The following ARHGEF12 variants were observed in gnomAD, a reference collection of about 807,000 sequenced individuals.
ARHGEF12 encodes Rho guanine nucleotide exchange factor 12, also known as KMT2A/ARHGEF12 fusion protein.
In ARHGEF12, 66 loss-of-function variants were observed where a neutral mutation model predicts 211.2. That is an observed-to-expected ratio of 0.31 (90% CI 0.26 to 0.38). The LOEUF (loss-of-function observed/expected upper bound fraction) is 0.38, where lower values mean the gene tolerates loss of function less well. Ranked by LOEUF, ARHGEF12 falls within the 10% of genes least tolerant of loss-of-function variation. The pLI, the probability that ARHGEF12 is intolerant of heterozygous loss-of-function variation, is 1.00. For synonymous variants in ARHGEF12, 592 were observed against 638.4 expected, an observed-to-expected ratio of 0.93 and a Z score of 1.09; for missense variants, 1,429 against 1,869.5, an observed-to-expected ratio of 0.76 and a Z score of 4.34.
chr11:120,386,234 C>T (rs1051371474), intron 1 of ARHGEF12, among the ~76,000 whole-genome samples: 6 of 152,212 alleles, frequency 3.9e-5, no homozygotes, highest in African/African-American at 1.4e-4. Flanking sequence ...GCTGTAAATA[C>T]AGGAACCAAG....
At position 120,441,793 on chromosome 11, in the gene ARHGEF12, T is replaced by C. The variant is rs1260043984; in HGVS notation, c.1179T>C (p.Val393=). The C allele has an allele frequency of 6.2e-7, 1 of 1,613,854 alleles. No individual in the cohort carries two copies. Among genetic ancestry groups the C allele is most frequent in the East Asian group, 2.2e-5 (1 of 44,866 alleles). ...AHLAVFLHHV[V]SQFDPATLLC... Reference sequence around the variant, plus strand: ...TGGCTGTTTTCTTACACCATGTAGTTTCACAATTTGACCCTGCGACTTTGG... The same window carrying C: ...TGGCTGTTTTCTTACACCATGTAGTCTCACAATTTGACCCTGCGACTTTGG... Residue 393 remains valine, a synonymous_variant, in exon 14 of 41, where the codon GTT becomes GTC. Transcript: ENST00000397843.
Position 120,378,290 on chromosome 11 carries a change from G to A in ARHGEF12, c.33-27828G>A, listed in dbSNP as rs143283584. ...GAATGATATTGAGGACTTTTCATTT[G>A]CTTATTGACCTTTTGTTCTCTTTTG... On this transcript the variant is annotated intron_variant, in intron 1 of 40. Transcript: ENST00000397843. 9.2e-4 allele frequency among the ~76,000 whole-genome samples: 140 copies of A among 152,146 alleles called. 1 individual carries two copies. Among genetic ancestry groups the A allele is most frequent in the Non-Finnish European group, 9.6e-4 (65 of 67,974 alleles).
At chr11:120,432,056 A>G (rs1945560071) in intron 11 of ARHGEF12, 145 bp downstream of exon 11, 5 of 755,450 alleles carry the variant, frequency 6.6e-6, no homozygotes, top group Non-Finnish European at 9.5e-6. Flanking sequence ...GATAAACAGA[A>G]ATCTGGTTAC....
chr11:120,387,247 G>C (rs992984628), intron 1 of ARHGEF12, among the ~76,000 whole-genome samples: 6 of 151,600 alleles, frequency 4.0e-5, no homozygotes, highest in Non-Finnish European at 5.9e-5. Flanking sequence ...GTGTGTGGTG[G>C]GGGGGGAGGG....
chr11:120,476,407 T>A, intron 33 of ARHGEF12: 1 of 302,188 alleles, frequency 3.3e-6, no homozygotes. Context: ...TTTAGCAAAG[T>A]TTCTAGTAAA....
chr11:120,364,863 G>C (rs969129286), intron 1 of ARHGEF12, among the ~76,000 whole-genome samples: 1 of 145,558 alleles, frequency 6.9e-6, no homozygotes, highest in Non-Finnish European at 1.5e-5. Context: ...TGTCGCCTAG[G>C]CTTGAGTGCA....
intron 9 of ARHGEF12, 69 bp from the exon 10 acceptor site, chr11:120,429,643 A>C (rs2135719391): frequency 1.3e-6 from 2 of 1,567,132 alleles, no homozygotes; most frequent in African/African-American, 1.4e-5. Context: ...TTATTGATTA[A>C]GAATGGACTA....
In ARHGEF12 at chr11:120,458,097, T is replaced by C; in HGVS notation, c.2243T>C (p.Phe748Ser). ...KPFRKFDSVAFGESQSEDEQF... is the reference protein window; with the variant it reads ...KPFRKFDSVASGESQSEDEQF... ...CTTCATAGGTTTGACAGTGTAGCTT[T>C]TGGAGAAAGTCAAAGTGAGGATGAA... The change falls in exon 25 of 41, where the codon TTT (phenylalanine) becomes TCT (serine). Residue 748 changes from phenylalanine to serine, a missense_variant. Coordinates refer to ENST00000397843, the MANE Select transcript of ARHGEF12 (RefSeq NM_015313.3). 6.2e-7 allele frequency: 1 copy of C among 1,608,748 alleles called. No homozygotes were observed. Among genetic ancestry groups the C allele is most frequent in the South Asian group, 1.1e-5 (1 of 89,270 alleles).
In ARHGEF12 at chr11:120,351,432, TATATATATATATATATATA is replaced by T. The variant is rs1264111094; in HGVS notation, c.32+14158_32+14176del. Among the ~76,000 whole-genome samples the T allele has an allele frequency of 0.011, 38 of 3,358 alleles. 1 individual carries two copies. In the South Asian group the frequency reaches 0.12, roughly 10 times the overall value. 2.2% of individuals were successfully genotyped at this position (3,358 alleles called of 152,430 possible). ...GAATATATATATATATATATATATA[TATATATATATATATATATA>T]TATATTTTTTTTTTTTTTTTTTTTT... On this transcript the variant is annotated intron_variant, in intron 1 of 40. Transcript: ENST00000397843.
At chr11:120,456,546 C>G (rs1294220117) in intron 22 of ARHGEF12, among the ~76,000 whole-genome samples, 1 of 151,984 alleles carries the variant, frequency 6.6e-6, no homozygotes, top group African/African-American at 2.4e-5. Context: ...GTAGTTGGAC[C>G]ACTGTAATAA....
chr11:120,437,262 T>C (rs1945721654), intron 11 of ARHGEF12, 46 bp from the exon 12 acceptor site: 2 of 1,369,120 alleles, frequency 1.5e-6, no homozygotes, highest in Non-Finnish European at 2.0e-6. Context: ...CATCTCCTTT[T>C]GGTGTGCCTA....
intron 39 of ARHGEF12, among the ~76,000 whole-genome samples, chr11:120,481,791 G>A (rs185746961): frequency 7.1e-5 from 10 of 140,642 alleles, no homozygotes; most frequent in Non-Finnish European, 3.0e-5. Flanking sequence ...ACGGAGTCTC[G>A]CTCTGTCAAC....
Position 120,449,197 on chromosome 11 carries a change from G to C in ARHGEF12, c.1826G>C (p.Arg609Pro). The C allele has an allele frequency of 6.2e-7, 1 of 1,614,050 alleles. No homozygotes were observed. The highest frequency in any genetic ancestry group is 8.5e-7 in the Non-Finnish European group (1 of 1,179,950). Residue 609 changes from arginine to proline, a missense_variant, in exon 21 of 41, where the codon CGT becomes CCT. This residue lies in a region of ARHGEF12 where 373 missense variants were observed against 467.5 expected (regional missense o/e 0.80). Transcript: ENST00000397843. Reference sequence around the variant, plus strand: ...CTGGGACCCCCACGGAGACCAAGCCGTCATGACAACAGTGCAAGTATGTTG... The same window carrying C: ...CTGGGACCCCCACGGAGACCAAGCCCTCATGACAACAGTGCAAGTATGTTG... ...SILGPPRRPSRHDNSAIGRAM... is the reference protein window; with the variant it reads ...SILGPPRRPSPHDNSAIGRAM...
Position 120,439,489 on chromosome 11 carries a change from C to T in ARHGEF12, c.1000-640C>T, listed in dbSNP as rs1945800027. On this transcript the variant is annotated intron_variant, in intron 12 of 40. Coordinates refer to ENST00000397843, the MANE Select transcript of ARHGEF12 (RefSeq NM_015313.3). ...AGAATGCACGGGCTAGACCCTACAG[C>T]CAAGAACTCTCTGGCGCAAAATGTC... 1.3e-5 allele frequency: 2 copies of T among 152,242 alleles called. 1 individual carries two copies. Among genetic ancestry groups the T allele is most frequent in the South Asian group, 4.1e-4 (2 of 4,824 alleles). 9.4% of individuals were successfully genotyped at this position (152,242 alleles called of 1,614,324 possible).
At chr11:120,374,669 G>A (rs1219173859) in intron 1 of ARHGEF12, among the ~76,000 whole-genome samples, 1 of 152,070 alleles carries the variant, frequency 6.6e-6, no homozygotes, top group Non-Finnish European at 1.5e-5. Flanking sequence ...AATTGACCTC[G>A]TGAATTTTAG....
intron 1 of ARHGEF12, among the ~76,000 whole-genome samples, chr11:120,398,120 A>C (rs1944446328): frequency 1.3e-5 from 2 of 152,204 alleles, no homozygotes; most frequent in Non-Finnish European, 2.9e-5. Flanking sequence ...CTCATTACTC[A>C]ATCCCTTGAG....
chr11:120,427,505 C>G (rs1401583025), intron 7 of ARHGEF12, among the ~76,000 whole-genome samples: 1 of 151,370 alleles, frequency 6.6e-6, no homozygotes, highest in Non-Finnish European at 1.5e-5. Context: ...GAGTTTAAGA[C>G]CAGCCTGGGC....
Position 120,361,921 on chromosome 11 carries a change from A to T in ARHGEF12, c.32+24646A>T, listed in dbSNP as rs79945290. ...ATTTGAAATTTTTCCTGCAGCTCAA[A>T]AGGATGCATGAAGAGTTTTCCACTC... is the stretch of plus-strand genomic sequence containing the variant. On this transcript the variant is annotated intron_variant, in intron 1 of 40. Coordinates refer to ENST00000397843, the MANE Select transcript of ARHGEF12 (RefSeq NM_015313.3). Among the ~76,000 whole-genome samples the T allele has an allele frequency of 1.7e-3, 262 of 152,332 alleles. 10 individuals carry two copies. The East Asian group carries it at 0.046, about 27-fold the overall frequency.
intron 29 of ARHGEF12, among the ~76,000 whole-genome samples, chr11:120,468,984 C>G (rs946452750): frequency 5.9e-5 from 9 of 152,134 alleles, no homozygotes; most frequent in African/African-American, 2.2e-4. Flanking sequence ...ACCTGCCCTT[C>G]TGGAGTGTAT....
Sources: gnomAD v4.1 joint callset for allele counts (sites outside exome capture counted in the v4.1 genomes callset) on GRCh38, gnomAD v4.1.1 for gene constraint, gnomAD v4.1.1 regional missense constraint, MANE v1.5 for transcripts, NCBI Gene and HGNC (gene_info 2026-07-23, HGNC 2026-07-21) for gene names.